Variants in LRRIQ3 observed in about 807,000 individuals in gnomAD.
LRRIQ3 encodes the protein leucine rich repeats and IQ motif containing 3.
In LRRIQ3, 75 loss-of-function variants were observed where a neutral mutation model predicts 59.3. The observed-to-expected ratio is 1.26, with a 90% CI of 1.05 to 1.53. The LOEUF (loss-of-function observed/expected upper bound fraction) is 1.53, where lower values mean the gene tolerates loss of function less well. Ranked by LOEUF, LRRIQ3 falls within the 40% of genes most tolerant of loss-of-function variation. The probability of loss-of-function intolerance (pLI) is 0.00; values close to 1 mark genes in which losing one functional copy is unlikely to be tolerated. For missense variants in LRRIQ3, 831 were observed against 710.0 expected (o/e 1.17, Z -1.94); for synonymous variants, 250 against 231.3 (o/e 1.08, Z -0.73).
At chr1:74,102,331 C>T (rs1035959279) in intron 5 of LRRIQ3, among the ~76,000 whole-genome samples, 8 of 151,892 alleles carry the variant, frequency 5.3e-5, no homozygotes, top group Non-Finnish European at 1.2e-4. Context: ...ATAAACATTT[C>T]TTCAAAGAAG....
At chr1:74,083,559 A>C (rs1463661671) in intron 5 of LRRIQ3, 1 of 151,768 alleles carries the variant, frequency 6.6e-6, no homozygotes, top group Non-Finnish European at 1.5e-5. Flanking sequence ...CCAGGCTTAT[A>C]TGGAGTATCT....
chr1:74,094,727 G>A (rs10789387), intron 5 of LRRIQ3, among the ~76,000 whole-genome samples: 74,728 of 151,890 alleles, frequency 0.49, 19,396 homozygotes, highest in East Asian at 0.82. Flanking sequence ...GATGCTATTA[G>A]AGAGGAAGAG....
chr1:74,137,493 TG>T (rs1054921548), intron 4 of LRRIQ3, among the ~76,000 whole-genome samples: 4 of 152,074 alleles, frequency 2.6e-5, no homozygotes, highest in African/African-American at 7.2e-5. Flanking sequence ...ACACCATTGG[TG>T]GGAGTGTAAA....
At chr1:74,093,854 A>T (rs762231447) in intron 5 of LRRIQ3, among the ~76,000 whole-genome samples, 45 of 152,218 alleles carry the variant, frequency 3.0e-4, no homozygotes, top group Admixed American at 1.2e-3. Flanking sequence ...ACATGGTTTG[A>T]TGAGCTGAAT....
chr1:74,044,924 C>A (rs1315196994), intron 6 of LRRIQ3, among the ~76,000 whole-genome samples: 1 of 152,102 alleles, frequency 6.6e-6, no homozygotes, highest in Non-Finnish European at 1.5e-5. Context: ...GAATTTGAAT[C>A]CCTGAATAGA....
intron 6 of LRRIQ3, among the ~76,000 whole-genome samples, chr1:74,049,916 CTTT>C (rs71242762): frequency 2.1e-5 from 3 of 142,814 alleles, no homozygotes; most frequent in African/African-American, 7.8e-5. Flanking sequence ...ACCTTTGTGT[CTTT>C]TTTTTCTTTT....
At chr1:74,178,421 AATTATTTAATCTAT>A (rs1649776696) in intron 3 of LRRIQ3, among the ~76,000 whole-genome samples, 1 of 152,012 alleles carries the variant, frequency 6.6e-6, no homozygotes, top group Non-Finnish European at 1.5e-5. Flanking sequence ...ATTTTACAAA[AATTATTTAATCTAT>A]ATTACTCTAT....
chr1:74,047,171 AGGAAAGACTT>A (rs1654229955), intron 6 of LRRIQ3, among the ~76,000 whole-genome samples: 1 of 152,186 alleles, frequency 6.6e-6, no homozygotes, highest in South Asian at 2.1e-4. Context: ...TGTTCACTAT[AGGAAAGACTT>A]GGAACCAACC....
intron 4 of LRRIQ3, among the ~76,000 whole-genome samples, chr1:74,122,323 G>C (rs1395179575): frequency 6.6e-6 from 1 of 152,090 alleles, no homozygotes; most frequent in Non-Finnish European, 1.5e-5. Flanking sequence ...ACATTTCTCT[G>C]ATGGCCAGTG....
At chr1:74,125,202 A>C (rs1448358732) in intron 4 of LRRIQ3, among the ~76,000 whole-genome samples, 1 of 151,846 alleles carries the variant, frequency 6.6e-6, no homozygotes, top group African/African-American at 2.4e-5. Flanking sequence ...TTCTATGTTG[A>C]TTTTGTATCC....
chr1:74,082,507 T>TA (rs1202195501), intron 5 of LRRIQ3: 2 of 151,536 alleles, frequency 1.3e-5, no homozygotes, highest in African/African-American at 4.8e-5. Context: ...AACAATAAAA[T>TA]ACATAGCTCA....
chr1:74,094,887 A>G (rs1646432859), intron 5 of LRRIQ3: 1 of 152,074 alleles, frequency 6.6e-6, no homozygotes, highest in South Asian at 2.1e-4. Flanking sequence ...GTACAGGCAA[A>G]TGTTTGAAAT....
rs915813713 is a variant in LRRIQ3 at position 74,050,527 on chromosome 1, G to T, written c.998-8594C>A. 8 of 985,292 alleles carry T rather than the reference G, an allele frequency of 8.1e-6. No individual in the cohort carries two copies. The African/African-American group carries it at 1.4e-4, about 17-fold the overall frequency. The allele number at this position is 985,292 out of a possible 1,614,324, so 61.0% of individuals were successfully genotyped here. On this transcript the variant is annotated intron_variant, in intron 6 of 7. Coordinates refer to ENST00000354431, the MANE Select transcript of LRRIQ3 (RefSeq NM_001105659.2). ...AAGCCAATACCATTTGTGGTCAACA[G>T]AGCTTGTTTGATTCTTCTGAACGTA...
intron 3 of LRRIQ3, among the ~76,000 whole-genome samples, chr1:74,177,154 T>A (rs1004419292): frequency 6.6e-6 from 1 of 152,160 alleles, no homozygotes; most frequent in African/African-American, 2.4e-5. Flanking sequence ...TTGCTGAACT[T>A]TGTCAGCTTC....
At chr1:74,059,260 T>C (rs1223655256) in intron 6 of LRRIQ3, among the ~76,000 whole-genome samples, 1 of 152,028 alleles carries the variant, frequency 6.6e-6, no homozygotes, top group African/African-American at 2.4e-5. Context: ...TTTTTTTCCT[T>C]TTCTTATTAT....
At chr1:74,134,404 C>T (rs1248931986) in intron 4 of LRRIQ3, among the ~76,000 whole-genome samples, 3 of 151,942 alleles carry the variant, frequency 2.0e-5, no homozygotes, top group African/African-American at 7.2e-5. Flanking sequence ...GCATAGCAGA[C>T]TGAGAGCAGA....
At chr1:74,187,177 G>A (rs996008784) in intron 1 of LRRIQ3, among the ~76,000 whole-genome samples, 1 of 151,942 alleles carries the variant, frequency 6.6e-6, no homozygotes, top group African/African-American at 2.4e-5. Flanking sequence ...CCACTACTGG[G>A]TATCTATCCA....
At chr1:74,171,320 T>G (rs930076253) in intron 3 of LRRIQ3, among the ~76,000 whole-genome samples, 6 of 152,200 alleles carry the variant, frequency 3.9e-5, no homozygotes, top group African/African-American at 1.4e-4. Flanking sequence ...GGAAACTCTT[T>G]CCATACATAA....
chr1:74,165,071 C>T (rs182718705), intron 3 of LRRIQ3, among the ~76,000 whole-genome samples: 58 of 151,488 alleles, frequency 3.8e-4, no homozygotes, highest in Non-Finnish European at 7.0e-4. Flanking sequence ...GATAGCTACA[C>T]GTGTCTAAAA....
Sources: allele counts gnomAD v4.1 joint callset (sites outside exome capture counted in the v4.1 genomes callset), GRCh38; gene constraint gnomAD v4.1.1; transcripts MANE v1.5; gene names NCBI Gene and HGNC (gene_info 2026-07-23, HGNC 2026-07-21).